FANCA: variants seen among roughly 807,000 people sequenced by gnomAD.
FANCA encodes the protein FA complementation group A, also known as Fanconi anemia group A protein.
FANCA carries 236 observed loss-of-function variants against 194.3 expected under a neutral mutation model. That is an observed-to-expected ratio of 1.21 (90% CI 1.09 to 1.35). The LOEUF (loss-of-function observed/expected upper bound fraction) is 1.35. Among genes scored for constraint, FANCA ranks in the 40% most tolerant of loss-of-function variants. The probability of loss-of-function intolerance (pLI) is 0.00; values close to 1 mark genes in which losing one functional copy is unlikely to be tolerated. For synonymous variants in FANCA, 1,014 were observed against 715.8 expected (o/e 1.42, Z -6.65); for missense variants, 2,628 against 1,813.9 (o/e 1.45, Z -8.15).
intron 12 of FANCA, 23 bp downstream of exon 12, chr16:89,792,448 G>C (rs914114211): frequency 1.1e-5 from 18 of 1,609,832 alleles, no homozygotes; most frequent in Non-Finnish European, 1.4e-5. Context: ...CTCAGAAGCA[G>C]GTATAATACC....
intron 15 of FANCA, among the ~76,000 whole-genome samples, chr16:89,783,438 C>A (rs1192891212): frequency 6.6e-6 from 1 of 151,718 alleles, no homozygotes; most frequent in Non-Finnish European, 1.5e-5. Context: ...GTAGTCCCAG[C>A]TACTCGGGAG....
chr16:89,791,005 T>TTGTGTG, intron 14 of FANCA: 2 of 230,654 alleles, frequency 8.7e-6, no homozygotes, highest in South Asian at 1.0e-4. Flanking sequence ...AGTTTTTGTT[T>TTGTGTG]TGTGTGTGTG....
chr16:89,798,248 C>T (rs568428434), intron 10 of FANCA: 1 of 759,002 alleles, frequency 1.3e-6, no homozygotes, highest in East Asian at 7.7e-5. Context: ...GGCACCCTGA[C>T]CTCCAACTTC....
intron 2 of FANCA, among the ~76,000 whole-genome samples, chr16:89,814,888 C>T (rs1430152872): frequency 6.6e-6 from 1 of 151,882 alleles, no homozygotes; most frequent in African/African-American, 2.4e-5. Context: ...CTGCAGTGAG[C>T]CGAGATCACC....
At chr16:89,740,932 T>G in intron 37 of FANCA, 66 bp from the exon 38 acceptor site, 1 of 1,396,562 alleles carries the variant, frequency 7.2e-7, no homozygotes, top group South Asian at 1.2e-5. Context: ...TAAATAAGGC[T>G]GACACATTCC....
intron 14 of FANCA, among the ~76,000 whole-genome samples, chr16:89,786,095 T>C (rs988609215): frequency 6.8e-6 from 1 of 147,468 alleles, no homozygotes; most frequent in African/African-American, 2.5e-5. Flanking sequence ...CAGGGCTCAC[T>C]GCAACCTCTG....
chr16:89,798,809 G>C, intron 10 of FANCA: 4 of 1,445,214 alleles, frequency 2.8e-6, no homozygotes, highest in Non-Finnish European at 3.6e-6. Context: ...GGGGCTGAGA[G>C]GCAGGGCCAG....
chr16:89,741,661 G>A (rs552081316), intron 37 of FANCA, among the ~76,000 whole-genome samples: 2 of 152,268 alleles, frequency 1.3e-5, no homozygotes, highest in South Asian at 4.1e-4. Flanking sequence ...AGTCGAACAT[G>A]GTCCCTGGCC....
At chr16:89,781,978 GCC>G (rs2039727122) in intron 17 of FANCA, among the ~76,000 whole-genome samples, 1 of 151,348 alleles carries the variant, frequency 6.6e-6, no homozygotes, top group African/African-American at 2.4e-5. Context: ...CTGCACTCCA[GCC>G]TGGGCGACAG....
In FANCA at chr16:89,815,943, C is replaced by G; in HGVS notation, c.123G>C (p.Gln41His). 1 of 1,614,168 alleles carries G rather than the reference C, an allele frequency of 6.2e-7. No homozygotes were observed. Among genetic ancestry groups the G allele is most frequent in the Non-Finnish European group, 8.5e-7 (1 of 1,179,982 alleles). Residue 41 changes from glutamine to histidine, a missense_variant, in exon 2 of 43, where the codon CAG becomes CAC. Coordinates refer to ENST00000389301, the MANE Select transcript of FANCA (RefSeq NM_000135.4). ...GGCGCACAGCTGATTCCTTTAATTT[C>G]TGTGCCCTTTCAGGATTATATTTTT... The part of the protein sequence containing the change: ...KREKYNPERA[Q>H]KLKESAVRLL...
chr16:89,767,617 C>G (rs6500444), intron 26 of FANCA, among the ~76,000 whole-genome samples: 61,405 of 151,812 alleles, frequency 0.4, 13,606 homozygotes, highest in East Asian at 0.75. Flanking sequence ...GGTGCGATTT[C>G]GGCTCACTGC....
At chr16:89,803,168 C>A in intron 8 of FANCA, 91 bp downstream of exon 8, 3 of 1,222,486 alleles carry the variant, frequency 2.5e-6, no homozygotes, top group Non-Finnish European at 3.6e-6. Context: ...ACAAACAGCA[C>A]GTTTCAATAG....
intron 27 of FANCA, among the ~76,000 whole-genome samples, chr16:89,766,784 C>T (rs2039144062): frequency 6.6e-6 from 1 of 152,098 alleles, no homozygotes; most frequent in Non-Finnish European, 1.5e-5. Context: ...AATAAGAATT[C>T]TTCTTTCCAG....
At chr16:89,753,601 C>T (rs966402005) in intron 30 of FANCA, among the ~76,000 whole-genome samples, 1 of 152,160 alleles carries the variant, frequency 6.6e-6, no homozygotes, top group Non-Finnish European at 1.5e-5. Flanking sequence ...ACTCAATCAA[C>T]CAGGAACAAA....
At chr16:89,815,810 T>C (rs991339005) in intron 2 of FANCA, 67 bp downstream of exon 2, 1 of 1,227,112 alleles carries the variant, frequency 8.1e-7, no homozygotes. Flanking sequence ...AGGAAAGCTG[T>C]GCGGTGGCTG....
rs2040112174 is a variant in FANCA at position 89,792,576 on chromosome 16, C to G, written c.1007-29G>C. The stretch of plus-strand genomic sequence containing the variant: ...CAGGGGGAGAAACAGACAAAAACTT[C>G]AAGTCAGAGATCAAAAAGTTGTGGG... On this transcript the variant is annotated intron_variant, in intron 11 of 42. Transcript: ENST00000389301. The G allele has an allele frequency of 4.4e-6, 7 of 1,604,048 alleles. No homozygotes were observed. In the Admixed American group the frequency reaches 5.1e-5, roughly 12 times the overall value.
rs904003922 is a variant in FANCA, at chr16:89,739,730, G to A, written c.3935-177C>T. The A allele has an allele frequency of 6.0e-6, 9 of 1,499,030 alleles. No homozygotes were observed. In the South Asian group the frequency reaches 6.5e-5, roughly 11 times the overall value. The allele number at this position is 1,499,030 out of a possible 1,614,324, so 92.9% of individuals were successfully genotyped here. On this transcript the variant is annotated intron_variant, in intron 39 of 42. Coordinates refer to ENST00000389301, the MANE Select transcript of FANCA (RefSeq NM_000135.4). Reference sequence around the variant, plus strand: ...CCTGTCAGCAGCTGGGAGAGGATGGGGGGGTCGACCTCTTGCAGGAGGGTG... The same window carrying A: ...CCTGTCAGCAGCTGGGAGAGGATGGAGGGGTCGACCTCTTGCAGGAGGGTG...
chr16:89,737,663 A>C lies in FANCA; in HGVS notation c.*938T>G, dbSNP rs1337991641. On this transcript the variant is annotated 3_prime_UTR_variant, in exon 43 of 43. Transcript: ENST00000389301. ...AAAGATCTTAATAAACGAGGCCCTC[A>C]TAGGCCCCTTGCTTGGGCCCACTGC... is the stretch of plus-strand genomic sequence containing the variant. 1.3e-5 allele frequency: 20 copies of C among 1,489,014 alleles called. No individual in the cohort carries two copies. Among genetic ancestry groups the C allele is most frequent in the Non-Finnish European group, 1.7e-5 (19 of 1,115,152 alleles). The allele number at this position is 1,489,014 out of a possible 1,614,324, so 92.2% of individuals were successfully genotyped here. A position where few individuals can be genotyped will look rare whatever the true frequency, so the allele number is the denominator to read the frequency against.
At chr16:89,803,195 A>G in intron 8 of FANCA, 64 bp downstream of exon 8, 1 of 1,467,548 alleles carries the variant, frequency 6.8e-7, no homozygotes, top group Non-Finnish European at 9.6e-7. Context: ...ACGTAAATAC[A>G]TTTCAACACT....
Sources: allele counts gnomAD v4.1 joint callset (sites outside exome capture counted in the v4.1 genomes callset), GRCh38; gene constraint gnomAD v4.1.1; transcripts MANE v1.5; gene names NCBI Gene and HGNC (gene_info 2026-07-23, HGNC 2026-07-21).